The following KMT2A variants were observed in gnomAD, a reference collection of about 807,000 sequenced individuals.
KMT2A encodes histone-lysine N-methyltransferase 2A.
In KMT2A, 16 loss-of-function variants were observed where a neutral mutation model predicts 345.3. The observed-to-expected ratio is 0.05, with a 90% CI of 0.03 to 0.07. The LOEUF (loss-of-function observed/expected upper bound fraction) is 0.07. Among genes scored for constraint, KMT2A ranks in the 10% least tolerant of loss-of-function variants. The pLI is 1.00. For missense variants in KMT2A, 3,272 were observed against 4,841.6 expected (o/e 0.68, Z 9.62); for synonymous variants, 1,599 against 1,778.6 (o/e 0.90, Z 2.54).
At chr11:118,511,911 C>T in intron 30 of KMT2A, 40 bp from the exon 31 acceptor site, 1 of 1,516,708 alleles carries the variant, frequency 6.6e-7, no homozygotes, top group Non-Finnish European at 9.2e-7. Flanking sequence ...GGTTTACGTG[C>T]ATATTTTCTG....
At chr11:118,439,158 CAAAAAAAAAAA>C in intron 1 of KMT2A, 1 of 265,450 alleles carries the variant, frequency 3.8e-6, no homozygotes, top group Admixed American at 5.3e-5. Flanking sequence ...GATACAGCAG[CAAAAAAAAAAA>C]AAAAGAAAAA....
intron 1 of KMT2A, among the ~76,000 whole-genome samples, chr11:118,460,408 C>T (rs1949724000): frequency 1.3e-5 from 2 of 151,988 alleles, no homozygotes; most frequent in South Asian, 2.1e-4. Context: ...CTACCTCAGC[C>T]TCCCGAGTAG....
At chr11:118,462,413 C>T (rs1056131124) in intron 1 of KMT2A, among the ~76,000 whole-genome samples, 2 of 152,128 alleles carry the variant, frequency 1.3e-5, no homozygotes, top group Non-Finnish European at 2.9e-5. Flanking sequence ...ATAACAATGA[C>T]AGCTTTTGTT....
chr11:118,464,846 A>G (rs57606175), intron 1 of KMT2A, among the ~76,000 whole-genome samples: 3,603 of 152,320 alleles, frequency 0.024, 160 homozygotes, highest in African/African-American at 0.08. Flanking sequence ...GGGATGCTCA[A>G]GGCATTTTGC....
intron 1 of KMT2A, among the ~76,000 whole-genome samples, chr11:118,463,771 T>A (rs1324075844): frequency 1.3e-5 from 2 of 152,114 alleles, no homozygotes; most frequent in African/African-American, 2.4e-5. Flanking sequence ...AGAAAACTCA[T>A]GGAAAAATAC....
Position 118,503,217 on chromosome 11 carries a change from A to G in KMT2A, c.7325A>G (p.Glu2442Gly), listed in dbSNP as rs782075347. 1.2e-6 allele frequency: 2 copies of G among 1,614,104 alleles called. No individual in the cohort carries two copies. The highest frequency in any genetic ancestry group is 1.7e-6 in the Non-Finnish European group (2 of 1,179,990). The change falls in exon 27 of 36, where the codon GAA becomes GGA. Residue 2442 changes from glutamate (E) to glycine (G), a missense_variant. Physicochemically the swap from Glu to Gly is moderately conservative, Grantham distance 98. Coordinates refer to ENST00000534358, the MANE Select transcript of KMT2A (RefSeq NM_001197104.2). This position sits in a 1 kb window ranked among gnomAD's most constrained non-coding sequence, Gnocchi z 5.3. ...GKKSCKETFK[E>G]KHSSKSFLEP... ...AAATCCTGTAAAGAAACTTTCAAAG[A>G]AAAGCATTCCAGTAAATCTTTTTTG...
rs1370755304 is a variant in KMT2A at position 118,503,458 on chromosome 11, A to G, written c.7566A>G (p.Thr2522=). 1 of 1,614,092 alleles carries G rather than the reference A, an allele frequency of 6.2e-7. No individual in the cohort carries two copies. Among genetic ancestry groups the G allele is most frequent in the Non-Finnish European group, 8.5e-7 (1 of 1,180,030 alleles). The part of the protein sequence containing the change: ...AKELQAPRKR[T]VKVTLTPLKM... Reference sequence around the variant, plus strand: ...AATTACAGGCACCACGGAAACGCACAGTCAAAGTGACACTGACACCTCTAA... The same window carrying G: ...AATTACAGGCACCACGGAAACGCACGGTCAAAGTGACACTGACACCTCTAA... The change falls in exon 27 of 36, where the codon ACA becomes ACG. Residue 2522 remains threonine (T), a synonymous_variant. Coordinates refer to ENST00000534358, the MANE Select transcript of KMT2A (RefSeq NM_001197104.2). This position sits in a 1 kb window ranked among gnomAD's most constrained non-coding sequence, Gnocchi z 5.3.
rs782427944 is a variant in KMT2A, at chr11:118,505,234, A to C, written c.9342A>C (p.Thr3114=). The C allele has an allele frequency of 5.0e-5, 81 of 1,614,008 alleles. No homozygotes were observed. Among genetic ancestry groups the C allele is most frequent in the Non-Finnish European group, 6.5e-5 (77 of 1,179,994 alleles). The change falls in exon 27 of 36, where the codon ACA becomes ACC. Residue 3114 remains threonine (T), a synonymous_variant. Coordinates refer to ENST00000534358, the MANE Select transcript of KMT2A (RefSeq NM_001197104.2). The surrounding 1 kb of genome is among the most constrained non-coding windows in gnomAD (Gnocchi z 4.6). ...KIQLTSSVSS[T]PSVMETNTSV... ...AATTGACCTCTTCTGTTAGTTCTAC[A>C]CCCAGTGTGATGGAGACAAATACTT...
chr11:118,503,932 C>T lies in KMT2A; in HGVS notation c.8040C>T (p.Asp2680=), dbSNP rs145943534. ...ATGACTTAAGCACTTCAGATGAAGA[C>T]GACTTATACTATTACAACTTCACTA... ...GADDLSTSDE[D]DLYYYNFTRT... is the part of the protein sequence containing the mutation. The change falls in exon 27 of 36, where the codon GAC becomes GAT. Residue 2680 remains aspartate, a synonymous_variant. Coordinates refer to ENST00000534358, the MANE Select transcript of KMT2A (RefSeq NM_001197104.2). The surrounding 1 kb of genome is among the most constrained non-coding windows in gnomAD (Gnocchi z 5.3). 1.2e-3 allele frequency: 1,959 copies of T among 1,614,058 alleles called. 36 individuals carry two copies. The East Asian group carries it at 0.028, about 23-fold the overall frequency.
At chr11:118,514,145 A>C (rs1389753956) in intron 31 of KMT2A, among the ~76,000 whole-genome samples, 1 of 152,038 alleles carries the variant, frequency 6.6e-6, no homozygotes, top group East Asian at 1.9e-4. Context: ...TCAAAATCTT[A>C]CTATTGCCTA....
At chr11:118,508,726 A>C (rs2134424653) in intron 28 of KMT2A, among the ~76,000 whole-genome samples, 1 of 152,228 alleles carries the variant, frequency 6.6e-6, no homozygotes, top group East Asian at 1.9e-4. Flanking sequence ...ATCTCAAAAA[A>C]AAAAAAAAAA....
rs1950321350 is a variant in KMT2A, at chr11:118,491,332, T to G, written c.4819+14T>G. ...CAGGTACAGAAGGTTGGAGTCTTTT[T>G]ATTTCAGTTTTCTTCTTTCTAGGTA... On this transcript the variant is annotated intron_variant, in intron 14 of 35. Transcript: ENST00000534358. The surrounding 1 kb of genome is among the most constrained non-coding windows in gnomAD (Gnocchi z 4.2). 6.2e-7 allele frequency: 1 copy of G among 1,610,502 alleles called. No individual in the cohort carries two copies. The highest frequency in any genetic ancestry group is 1.7e-5 in the Admixed American group (1 of 59,146).
In KMT2A at chr11:118,523,866, A is replaced by C. The variant is rs1951023137; in HGVS notation, c.*1694A>C. ...GCTCTTTGACAATAAATGGAGAAGGAAGGTCACCCAACTCCATTGGGCCAC... is the reference window on the plus strand; with the variant it reads ...GCTCTTTGACAATAAATGGAGAAGGCAGGTCACCCAACTCCATTGGGCCAC... On this transcript the variant is annotated 3_prime_UTR_variant, in exon 36 of 36. Coordinates refer to ENST00000534358, the MANE Select transcript of KMT2A (RefSeq NM_001197104.2). 1 of 201,112 alleles carries C rather than the reference A, an allele frequency of 5.0e-6. No individual in the cohort carries two copies. The highest frequency in any genetic ancestry group is 2.3e-5 in the African/African-American group (1 of 43,526). The allele number at this position is 201,112 out of a possible 1,614,324, so 12.5% of individuals were successfully genotyped here.
chr11:118,503,216 G>A lies in KMT2A; in HGVS notation c.7324G>A (p.Glu2442Lys). Residue 2442 changes from glutamate (E) to lysine (K), a missense_variant, in exon 27 of 36, where the codon GAA becomes AAA. Coordinates refer to ENST00000534358, the MANE Select transcript of KMT2A (RefSeq NM_001197104.2). This position sits in a 1 kb window ranked among gnomAD's most constrained non-coding sequence, Gnocchi z 5.3. ...GKKSCKETFK[E>K]KHSSKSFLEP... ...AAAATCCTGTAAAGAAACTTTCAAA[G>A]AAAAGCATTCCAGTAAATCTTTTTT... 6.2e-7 allele frequency: 1 copy of A among 1,614,044 alleles called. No individual in the cohort carries two copies. Among genetic ancestry groups the A allele is most frequent in the Non-Finnish European group, 8.5e-7 (1 of 1,179,970 alleles).
Position 118,476,766 on chromosome 11 carries a change from T to G in KMT2A, c.3157-39T>G, listed in dbSNP as rs782206199. The G allele has an allele frequency of 7.1e-6, 11 of 1,549,412 alleles. No homozygotes were observed. The South Asian group carries it at 1.2e-4, about 16-fold the overall frequency. ...GCTTCGTTCAGTTATAATTTCAACATGTATGGTTGTTATTGTTTTTGGATT... is the reference window on the plus strand; with the variant it reads ...GCTTCGTTCAGTTATAATTTCAACAGGTATGGTTGTTATTGTTTTTGGATT... On this transcript the variant is annotated intron_variant, in intron 3 of 35. Transcript: ENST00000534358. The surrounding 1 kb of genome is among the most constrained non-coding windows in gnomAD (Gnocchi z 4.1).
At chr11:118,501,588 C>T in intron 25 of KMT2A, 84 bp from the exon 26 acceptor site, 1 of 1,188,062 alleles carries the variant, frequency 8.4e-7, no homozygotes, top group Non-Finnish European at 1.2e-6. Context: ...TTTACATTTA[C>T]CTGATAGCTG....
At position 118,523,163 on chromosome 11, in the gene KMT2A, T is replaced by C. The variant is rs185757845; in HGVS notation, c.*991T>C. The C allele has an allele frequency of 4.8e-5, 11 of 228,064 alleles. No homozygotes were observed. Among genetic ancestry groups the C allele is most frequent in the Admixed American group, 4.0e-4 (7 of 17,612 alleles). 14.1% of individuals were successfully genotyped at this position (228,064 alleles called of 1,614,324 possible). A position where few individuals can be genotyped will look rare whatever the true frequency, so the allele number is the denominator to read the frequency against. Reference sequence around the variant, plus strand: ...TTTGTAGGAGAGGAAAAAGATTATTTAAATAGGATTTAAATCATGCAACAA... The same window carrying C: ...TTTGTAGGAGAGGAAAAAGATTATTCAAATAGGATTTAAATCATGCAACAA... On this transcript the variant is annotated 3_prime_UTR_variant, in exon 36 of 36. Coordinates refer to ENST00000534358, the MANE Select transcript of KMT2A (RefSeq NM_001197104.2).
chr11:118,518,750 C>T (rs1432138028), intron 31 of KMT2A, among the ~76,000 whole-genome samples: 1 of 146,260 alleles, frequency 6.8e-6, no homozygotes. Context: ...CCACTGCACT[C>T]CAGCCTGGGT....
At position 118,474,207 on chromosome 11, in the gene KMT2A, T is replaced by G; in HGVS notation, c.3048T>G (p.Leu1016=). The G allele has an allele frequency of 6.2e-7, 1 of 1,614,096 alleles. No individual in the cohort carries two copies. Among genetic ancestry groups the G allele is most frequent in the Non-Finnish European group, 8.5e-7 (1 of 1,180,008 alleles). The change falls in exon 3 of 36, where the codon CTT becomes CTG. Residue 1016 remains leucine, a synonymous_variant. Transcript: ENST00000534358. ...CCATGTTGGCTCAGGCAGACAAGCT[T>G]CCAATGACTGACAAGAGGGTTGCCA... ...IGSMLAQADK[L]PMTDKRVASL... is the part of the protein sequence containing the mutation.
Sources: allele counts gnomAD v4.1 joint callset (sites outside exome capture counted in the v4.1 genomes callset), GRCh38; gene constraint gnomAD v4.1.1; non-coding constraint Gnocchi (gnomAD v3.1); transcripts MANE v1.5; gene names NCBI Gene and HGNC (gene_info 2026-07-23, HGNC 2026-07-21).